WWP2: variants seen among roughly 807,000 people sequenced by gnomAD.
The protein encoded by WWP2 is WW domain containing E3 ubiquitin protein ligase 2, also known as NEDD4-like E3 ubiquitin-protein ligase WWP2.
Under a neutral mutation model 121.0 loss-of-function variants are expected in WWP2, and 57 were observed. That is an observed-to-expected ratio of 0.47 (90% CI 0.38 to 0.59). WWP2 has a LOEUF of 0.59. Among genes scored for constraint, WWP2 ranks in the 20% least tolerant of loss-of-function variants. The pLI is 0.00. For synonymous variants in WWP2, 449 were observed against 441.3 expected (o/e 1.02, Z -0.22); for missense variants, 962 against 1,158.9 (o/e 0.83, Z 2.47).
intron 10 of WWP2, among the ~76,000 whole-genome samples, chr16:69,920,410 A>G (rs2058542754): frequency 6.6e-6 from 1 of 152,018 alleles, no homozygotes; most frequent in South Asian, 2.1e-4. Context: ...ATTGGATGGA[A>G]TCTGGTCTTT....
intron 4 of WWP2, among the ~76,000 whole-genome samples, chr16:69,835,393 CA>C (rs2056858805): frequency 1.3e-5 from 2 of 152,118 alleles, no homozygotes; most frequent in Admixed American, 1.3e-4. Context: ...TCCTCTGGCT[CA>C]ATTTTTTTAA....
At chr16:69,826,415 CAA>C (rs2056690867) in intron 4 of WWP2, among the ~76,000 whole-genome samples, 1 of 144,740 alleles carries the variant, frequency 6.9e-6, no homozygotes, top group Admixed American at 6.9e-5. Context: ...AAAATACACA[CAA>C]AAAAATTAGC....
chr16:69,923,320 T>G (rs200202528), intron 10 of WWP2, among the ~76,000 whole-genome samples: 289 of 33,504 alleles, frequency 8.6e-3, no homozygotes, highest in Non-Finnish European at 0.012. Context: ...GTTGGGGGGG[T>G]GGGGGGGGTG....
At chr16:69,830,600 T>G (rs928052832) in intron 4 of WWP2, among the ~76,000 whole-genome samples, 1 of 152,124 alleles carries the variant, frequency 6.6e-6, no homozygotes, top group Non-Finnish European at 1.5e-5. Flanking sequence ...CATTCTGGGT[T>G]CTGGGTAAGA....
intron 4 of WWP2, among the ~76,000 whole-genome samples, chr16:69,839,148 T>A: frequency 9.3e-6 from 1 of 107,072 alleles, no homozygotes. Flanking sequence ...AAACAAAGTG[T>A]TGGATTGGGT....
At chr16:69,923,312 T>TG (rs1341867603) in intron 10 of WWP2, among the ~76,000 whole-genome samples, 4 of 3,828 alleles carry the variant, frequency 1.0e-3, no homozygotes, top group Non-Finnish European at 1.5e-3. Context: ...GTGTGTGTGT[T>TG]GGGGGGGTGG....
At chr16:69,807,729 G>A (rs2056311660) in intron 4 of WWP2, among the ~76,000 whole-genome samples, 1 of 151,792 alleles carries the variant, frequency 6.6e-6, no homozygotes, top group East Asian at 1.9e-4. Context: ...GAGGTGGTAG[G>A]ATTGCTTGAG....
intron 9 of WWP2, among the ~76,000 whole-genome samples, chr16:69,910,877 A>G (rs1305468245): frequency 6.6e-6 from 1 of 152,124 alleles, no homozygotes; most frequent in Non-Finnish European, 1.5e-5. Context: ...AAGCTGTCTT[A>G]TTTCAGGGTA....
At chr16:69,886,441 CT>C (rs2057926439) in intron 7 of WWP2, among the ~76,000 whole-genome samples, 1 of 151,486 alleles carries the variant, frequency 6.6e-6, no homozygotes, top group Admixed American at 6.6e-5. Context: ...TAGAATCAGC[CT>C]CACATGAAGA....
chr16:69,857,275 T>C (rs2057334400), intron 6 of WWP2, among the ~76,000 whole-genome samples: 1 of 152,126 alleles, frequency 6.6e-6, no homozygotes, highest in Non-Finnish European at 1.5e-5. Flanking sequence ...TTTGTATTTT[T>C]AGTAGAGATG....
At chr16:69,881,658 A>C (rs1317440980) in intron 7 of WWP2, among the ~76,000 whole-genome samples, 2 of 152,206 alleles carry the variant, frequency 1.3e-5, no homozygotes, top group African/African-American at 4.8e-5. Flanking sequence ...AATTATTCCA[A>C]AATAAAACAA....
intron 8 of WWP2, among the ~76,000 whole-genome samples, chr16:69,892,058 GTCTT>G (rs1010138059): frequency 6.6e-6 from 1 of 152,168 alleles, no homozygotes; most frequent in African/African-American, 2.4e-5. Context: ...CAGGGATTGT[GTCTT>G]TCTTATTTGC....
chr16:69,792,594 C>G (rs1391899812), intron 2 of WWP2, among the ~76,000 whole-genome samples: 4 of 152,182 alleles, frequency 2.6e-5, no homozygotes, highest in Non-Finnish European at 5.9e-5. Flanking sequence ...AGTGGAGAGA[C>G]CTGGCCAACT....
At chr16:69,879,225 A>G (rs1356018705) in intron 7 of WWP2, among the ~76,000 whole-genome samples, 1 of 152,216 alleles carries the variant, frequency 6.6e-6, no homozygotes, top group East Asian at 1.9e-4. Context: ...AACACATAAC[A>G]TGAAATTTAC....
At chr16:69,893,389 C>T (rs2058060004) in intron 8 of WWP2, among the ~76,000 whole-genome samples, 1 of 152,012 alleles carries the variant, frequency 6.6e-6, no homozygotes, top group South Asian at 2.1e-4. Context: ...TTTCCTTCAC[C>T]TAGATGAATG....
intron 8 of WWP2, among the ~76,000 whole-genome samples, chr16:69,891,573 T>C (rs1169610993): frequency 6.6e-6 from 1 of 152,210 alleles, no homozygotes; most frequent in Non-Finnish European, 1.5e-5. Context: ...GTACTGGGTA[T>C]GGCAGATGCA....
intron 21 of WWP2, among the ~76,000 whole-genome samples, chr16:69,938,477 G>T (rs2058832819): frequency 6.6e-6 from 1 of 152,238 alleles, no homozygotes; most frequent in African/African-American, 2.4e-5. Flanking sequence ...AAATTAGCCA[G>T]GCATGGTGGT....
At chr16:69,906,758 T>C (rs1456621470) in intron 8 of WWP2, among the ~76,000 whole-genome samples, 1 of 152,140 alleles carries the variant, frequency 6.6e-6, no homozygotes, top group African/African-American at 2.4e-5. Flanking sequence ...CATGCACTTG[T>C]TTTCCTAGCT....
At chr16:69,905,367 T>G (rs1245466784) in intron 8 of WWP2, among the ~76,000 whole-genome samples, 2 of 152,188 alleles carry the variant, frequency 1.3e-5, no homozygotes, top group Non-Finnish European at 2.9e-5. Flanking sequence ...GTGTACCTTC[T>G]TCCAGGAGAT....
Sources: gnomAD v4.1 joint callset for allele counts (sites outside exome capture counted in the v4.1 genomes callset) on GRCh38, gnomAD v4.1.1 for gene constraint, MANE v1.5 for transcripts, NCBI Gene and HGNC (gene_info 2026-07-23, HGNC 2026-07-21) for gene names.